The following GRIK2 variants were observed in gnomAD, a reference collection of about 807,000 sequenced individuals.
GRIK2 encodes glutamate ionotropic receptor kainate type subunit 2, also known as glutamate receptor ionotropic, kainate 2.
In GRIK2, 32 loss-of-function variants were observed where a neutral mutation model predicts 100.3. That is an observed-to-expected ratio of 0.32 (90% CI 0.24 to 0.43). The LOEUF (loss-of-function observed/expected upper bound fraction) is 0.43. Among genes scored for constraint, GRIK2 ranks in the 20% least tolerant of loss-of-function variants. GRIK2 has a pLI of 1.00. For synonymous variants in GRIK2, 417 were observed against 389.4 expected, an observed-to-expected ratio of 1.07 and a Z score of -0.83; for missense variants, 843 against 1,114.9, an observed-to-expected ratio of 0.76 and a Z score of 3.47.
At chr6:101,746,662 T>C (rs552581974) in intron 7 of GRIK2, among the ~76,000 whole-genome samples, 2 of 152,156 alleles carry the variant, frequency 1.3e-5, no homozygotes, top group African/African-American at 2.4e-5. Flanking sequence ...ATAAGACAGA[T>C]TTTGTTACCC....
intron 4 of GRIK2, among the ~76,000 whole-genome samples, chr6:101,637,371 A>G (rs1197437920): frequency 6.6e-6 from 1 of 152,060 alleles, no homozygotes; most frequent in Non-Finnish European, 1.5e-5. Flanking sequence ...TCTTTGCCCG[A>G]AATTTGCTTT....
chr6:102,027,095 A>G (rs1769744841), intron 14 of GRIK2, among the ~76,000 whole-genome samples: 1 of 151,350 alleles, frequency 6.6e-6, no homozygotes, highest in South Asian at 2.1e-4. Context: ...TATGAGCATT[A>G]GGGCTTATTA....
chr6:101,483,396 C>A (rs1772638808), intron 2 of GRIK2, among the ~76,000 whole-genome samples: 2 of 152,056 alleles, frequency 1.3e-5, no homozygotes, highest in African/African-American at 4.8e-5. Flanking sequence ...TTCAAATATG[C>A]CACTTCTGAA....
At chr6:102,050,381 C>T (rs917420793) in intron 15 of GRIK2, among the ~76,000 whole-genome samples, 2 of 151,850 alleles carry the variant, frequency 1.3e-5, no homozygotes, top group Admixed American at 6.6e-5. Context: ...GGCCCCAGCA[C>T]GGTGGCTCAG....
chr6:101,446,756 A>G (rs920661503), intron 2 of GRIK2, among the ~76,000 whole-genome samples: 1 of 151,462 alleles, frequency 6.6e-6, no homozygotes, highest in African/African-American at 2.4e-5. Context: ...GGATAACTGG[A>G]TTAAATGCCA....
intron 2 of GRIK2, among the ~76,000 whole-genome samples, chr6:101,529,348 C>T (rs1381488327): frequency 6.6e-6 from 1 of 152,036 alleles, no homozygotes; most frequent in East Asian, 1.9e-4. Flanking sequence ...CCATTATAGT[C>T]TCCAAGGCTC....
At chr6:101,531,179 A>G (rs1775424701) in intron 2 of GRIK2, among the ~76,000 whole-genome samples, 1 of 152,038 alleles carries the variant, frequency 6.6e-6, no homozygotes, top group Non-Finnish European at 1.5e-5. Flanking sequence ...AATACGGATC[A>G]AGAGCTCTGT....
intron 1 of GRIK2, among the ~76,000 whole-genome samples, chr6:101,394,445 G>C (rs564432082): frequency 6.6e-6 from 1 of 152,312 alleles, no homozygotes; most frequent in Admixed American, 6.5e-5. Context: ...TAAGGAGATA[G>C]AGTTTCTTTA....
rs572774518 is a variant in GRIK2 at position 101,593,826 on chromosome 6, G to A, written c.116-28123G>A. On this transcript the variant is annotated intron_variant, in intron 2 of 16. Transcript: ENST00000369134. The stretch of plus-strand genomic sequence containing the variant: ...ACTTTAGGTATAATATCACATCTGG[G>A]GGATATTTCTTTTTTCTCATGCTAT... 1.4e-4 allele frequency among the ~76,000 whole-genome samples: 22 copies of A among 151,806 alleles called. 1 individual carries two copies. Among genetic ancestry groups the A allele is most frequent in the Admixed American group, 1.3e-3 (19 of 15,180 alleles).
chr6:101,614,801 A>G (rs1260011339), intron 2 of GRIK2, among the ~76,000 whole-genome samples: 2 of 151,774 alleles, frequency 1.3e-5, no homozygotes, highest in Non-Finnish European at 2.9e-5. Flanking sequence ...TACAAAACAC[A>G]GATTGTACTC....
chr6:101,948,118 A>C lies in GRIK2; in HGVS notation c.2085+19486A>C, dbSNP rs1791385410. On this transcript the variant is annotated intron_variant, in intron 14 of 16. Transcript: ENST00000369134. ...TTTGGAAAATATTCCTATTACCTTT[A>C]AATTGACTTTTTAGAGAAGTTTTAC... 1.3e-5 allele frequency among the ~76,000 whole-genome samples: 2 copies of C among 152,118 alleles called. 1 individual carries two copies. The highest frequency in any genetic ancestry group is 4.1e-4 in the South Asian group (2 of 4,822).
intron 2 of GRIK2, among the ~76,000 whole-genome samples, chr6:101,563,326 A>G (rs1380425933): frequency 6.6e-6 from 1 of 152,174 alleles, no homozygotes; most frequent in African/African-American, 2.4e-5. Context: ...AGCAGAAAAT[A>G]TATATTTTTT....
intron 7 of GRIK2, among the ~76,000 whole-genome samples, chr6:101,727,336 A>G (rs1363078795): frequency 6.6e-6 from 1 of 152,110 alleles, no homozygotes; most frequent in Non-Finnish European, 1.5e-5. Flanking sequence ...TTCAAGTAGT[A>G]CTGTCCCCAG....
chr6:101,612,414 A>C (rs1779720723), intron 2 of GRIK2, among the ~76,000 whole-genome samples: 1 of 151,898 alleles, frequency 6.6e-6, no homozygotes, highest in African/African-American at 2.4e-5. Flanking sequence ...CTTTTTATTA[A>C]TGTTTGTAAA....
intron 7 of GRIK2, among the ~76,000 whole-genome samples, chr6:101,723,263 T>C (rs79887063): frequency 1.3e-5 from 2 of 151,890 alleles, no homozygotes; most frequent in Non-Finnish European, 2.9e-5. Context: ...AAAAAATAAA[T>C]CTATATAAAC....
chr6:101,891,182 C>A (rs1787047122), intron 12 of GRIK2, among the ~76,000 whole-genome samples: 1 of 148,888 alleles, frequency 6.7e-6, no homozygotes, highest in Non-Finnish European at 1.5e-5. Flanking sequence ...CCATAAAAAT[C>A]TTTAGTTCAT....
At chr6:101,651,275 A>T (rs1781778914) in intron 4 of GRIK2, among the ~76,000 whole-genome samples, 1 of 152,038 alleles carries the variant, frequency 6.6e-6, no homozygotes, top group Non-Finnish European at 1.5e-5. Flanking sequence ...TTTTTGTAAC[A>T]TATAATTTAT....
At chr6:101,629,663 T>C in intron 4 of GRIK2, among the ~76,000 whole-genome samples, 1 of 152,126 alleles carries the variant, frequency 6.6e-6, no homozygotes, top group Non-Finnish European at 1.5e-5. Context: ...TTTATAAATA[T>C]ATAGTAGACT....
intron 2 of GRIK2, among the ~76,000 whole-genome samples, chr6:101,443,154 G>A (rs1770175230): frequency 6.6e-6 from 1 of 152,046 alleles, no homozygotes; most frequent in African/African-American, 2.4e-5. Flanking sequence ...GGTCTTTAAG[G>A]AAAGGCACCT....
Sources: allele counts gnomAD v4.1 joint callset (sites outside exome capture counted in the v4.1 genomes callset), GRCh38; gene constraint gnomAD v4.1.1; transcripts MANE v1.5; gene names NCBI Gene and HGNC (gene_info 2026-07-23, HGNC 2026-07-21).